The following GRIK4 variants were observed in gnomAD, a reference collection of about 807,000 sequenced individuals.
GRIK4 encodes the protein glutamate ionotropic receptor kainate type subunit 4, also known as glutamate receptor ionotropic, kainate 4.
Under a neutral mutation model 104.9 loss-of-function variants are expected in GRIK4, and 40 were observed. The ratio of observed to expected loss-of-function variants is 0.38; its 90% CI spans 0.30 to 0.50. GRIK4 has a LOEUF of 0.50. Among genes scored for constraint, GRIK4 ranks in the 20% least tolerant of loss-of-function variants. The pLI, the probability that GRIK4 is intolerant of heterozygous loss-of-function variation, is 0.93. For synonymous variants in GRIK4, 485 were observed against 524.9 expected, an observed-to-expected ratio of 0.92 and a Z score of 1.04; for missense variants, 1,047 against 1,308.1, an observed-to-expected ratio of 0.80 and a Z score of 3.08.
intron 3 of GRIK4, among the ~76,000 whole-genome samples, chr11:120,711,287 C>T (rs568156308): frequency 6.6e-6 from 1 of 152,274 alleles, no homozygotes; most frequent in East Asian, 1.9e-4. Flanking sequence ...AGAGCAAAGG[C>T]ATTAAACCTT....
chr11:120,650,775 TATGTGTAC>T (rs976233092), intron 1 of GRIK4, among the ~76,000 whole-genome samples: 7 of 152,222 alleles, frequency 4.6e-5, no homozygotes, highest in Non-Finnish European at 7.3e-5. Context: ...TGGCATTCGG[TATGTGTAC>T]ATGCTTTGAC....
rs76988128 is a variant in GRIK4 at position 120,653,356 on chromosome 11, T to C, written c.-158-329T>C. On this transcript the variant is annotated intron_variant, in intron 1 of 20. Coordinates refer to ENST00000527524, the MANE Select transcript of GRIK4 (RefSeq NM_014619.5). ...CCCCTTATGGGAAAAGAGGAGACACTGATTTTTTGGTGTTAAGGTAAGGAC... is the reference window on the plus strand; with the variant it reads ...CCCCTTATGGGAAAAGAGGAGACACCGATTTTTTGGTGTTAAGGTAAGGAC... Among the ~76,000 whole-genome samples the C allele has an allele frequency of 2.1e-3, 322 of 152,334 alleles. 1 individual carries two copies. Among genetic ancestry groups the C allele is most frequent in the Middle Eastern group, 0.017 (5 of 294 alleles).
At chr11:120,958,524 A>G (rs1432418401) in intron 16 of GRIK4, among the ~76,000 whole-genome samples, 1 of 152,258 alleles carries the variant, frequency 6.6e-6, no homozygotes, top group African/African-American at 2.4e-5. Context: ...AGACAGGGCC[A>G]TCGTGGCCTA....
chr11:120,516,559 C>G (rs981418259), intron 1 of GRIK4, among the ~76,000 whole-genome samples: 1 of 151,792 alleles, frequency 6.6e-6, no homozygotes, highest in Non-Finnish European at 1.5e-5. Context: ...AGGCTCAGGT[C>G]AGTGCAGCAG....
chr11:120,762,643 A>G (rs1047403197), intron 3 of GRIK4, among the ~76,000 whole-genome samples: 1 of 152,210 alleles, frequency 6.6e-6, no homozygotes, highest in African/African-American at 2.4e-5. Flanking sequence ...TGTTTTTAGC[A>G]TGATGGGGTA....
chr11:120,681,787 G>A (rs1370235044), intron 3 of GRIK4, among the ~76,000 whole-genome samples: 2 of 152,238 alleles, frequency 1.3e-5, no homozygotes, highest in Non-Finnish European at 2.9e-5. Flanking sequence ...TGGGCTGGAG[G>A]GGACAGAGAT....
chr11:120,706,269 C>T (rs1950627261), intron 3 of GRIK4, among the ~76,000 whole-genome samples: 1 of 152,208 alleles, frequency 6.6e-6, no homozygotes. Flanking sequence ...ATCACCAACT[C>T]CACCCATAGC....
chr11:120,930,381 G>A (rs1302332139), intron 13 of GRIK4, among the ~76,000 whole-genome samples: 1 of 152,216 alleles, frequency 6.6e-6, no homozygotes, highest in Non-Finnish European at 1.5e-5. Flanking sequence ...CATTTATTGT[G>A]AGTTATCTGT....
At chr11:120,759,201 G>A (rs577280370) in intron 3 of GRIK4, among the ~76,000 whole-genome samples, 1 of 152,280 alleles carries the variant, frequency 6.6e-6, no homozygotes, top group South Asian at 2.1e-4. Context: ...CTGGGCAGAG[G>A]GAACAGTATG....
intron 3 of GRIK4, among the ~76,000 whole-genome samples, chr11:120,663,966 G>A (rs1462077892): frequency 1.3e-5 from 2 of 152,126 alleles, no homozygotes; most frequent in Admixed American, 6.5e-5. Context: ...AGCACTTGCC[G>A]TGTTATATTC....
At chr11:120,788,817 C>T (rs1408790472) in intron 3 of GRIK4, among the ~76,000 whole-genome samples, 17 of 151,704 alleles carry the variant, frequency 1.1e-4, no homozygotes, top group Non-Finnish European at 5.9e-5. Flanking sequence ...TGCCCCCTCC[C>T]TTCCCAGACC....
intron 13 of GRIK4, among the ~76,000 whole-genome samples, chr11:120,930,002 T>TGGG (rs61317737): frequency 0.066 from 9,874 of 149,988 alleles, 404 homozygotes; most frequent in Middle Eastern, 0.11. Flanking sequence ...AGGCCACGTT[T>TGGG]GGGGGGGGGG....
At chr11:120,740,482 C>T (rs1469755369) in intron 3 of GRIK4, among the ~76,000 whole-genome samples, 2 of 152,182 alleles carry the variant, frequency 1.3e-5, no homozygotes, top group African/African-American at 2.4e-5. Flanking sequence ...TGTCCCGTGG[C>T]CCTGTCCCAG....
Position 120,802,838 on chromosome 11 carries a change from G to A in GRIK4, c.228G>A (p.Glu76=), listed in dbSNP as rs147572021. 2.2e-4 allele frequency: 352 copies of A among 1,614,216 alleles called. 3 individuals are homozygous for A. The East Asian group carries it at 7.6e-3, about 35-fold the overall frequency. Residue 76 remains glutamate, a synonymous_variant, in exon 4 of 21, where the codon GAG becomes GAA. Transcript: ENST00000527524. ...TCTTTGAGCTTCTCAGAGACAGCGA[G>A]TACGAGACTGCAGAAACCAGTACGT... ...VDIFELLRDS[E]YETAETMCQI...
At chr11:120,931,802 A>G (rs1179953143) in intron 13 of GRIK4, among the ~76,000 whole-genome samples, 1 of 152,196 alleles carries the variant, frequency 6.6e-6, no homozygotes, top group African/African-American at 2.4e-5. Context: ...TTCACTGTAG[A>G]AAATACTTCA....
At chr11:120,737,006 C>T (rs1182546852) in intron 3 of GRIK4, among the ~76,000 whole-genome samples, 2 of 152,126 alleles carry the variant, frequency 1.3e-5, no homozygotes, top group African/African-American at 4.8e-5. Flanking sequence ...TAAGAGGATT[C>T]CCACTAGCCG....
chr11:120,721,992 C>T (rs1950940728), intron 3 of GRIK4, among the ~76,000 whole-genome samples: 1 of 152,128 alleles, frequency 6.6e-6, no homozygotes, highest in African/African-American at 2.4e-5. Flanking sequence ...TTAAGTACTA[C>T]TTTACTGAGG....
intron 1 of GRIK4, among the ~76,000 whole-genome samples, chr11:120,603,479 A>G (rs1565569667): frequency 1.3e-5 from 2 of 152,240 alleles, no homozygotes; most frequent in African/African-American, 2.4e-5. Flanking sequence ...TTACCTGCAC[A>G]GTACTGCCTG....
At chr11:120,909,683 A>G (rs1021635027) in intron 13 of GRIK4, among the ~76,000 whole-genome samples, 1 of 151,960 alleles carries the variant, frequency 6.6e-6, no homozygotes, top group Non-Finnish European at 1.5e-5. Context: ...ATAAAGGAGA[A>G]CCTCCCCAAC....
Sources: gnomAD v4.1 joint callset for allele counts (sites outside exome capture counted in the v4.1 genomes callset) on GRCh38, gnomAD v4.1.1 for gene constraint, MANE v1.5 for transcripts, NCBI Gene and HGNC (gene_info 2026-07-23, HGNC 2026-07-21) for gene names.